MTUS2: variants seen among roughly 807,000 people sequenced by gnomAD.
The protein encoded by MTUS2 is microtubule-associated tumor suppressor candidate 2.
In MTUS2, 40 loss-of-function variants were observed where a neutral mutation model predicts 114.1. The ratio of observed to expected loss-of-function variants is 0.35; its 90% CI spans 0.27 to 0.46. The LOEUF (loss-of-function observed/expected upper bound fraction) is 0.46. MTUS2 is among the 20% of genes least tolerant of loss of function. MTUS2 has a pLI of 1.00. For synonymous variants in MTUS2, 688 were observed against 672.0 expected, an observed-to-expected ratio of 1.02 and a Z score of -0.37; for missense variants, 1,679 against 1,705.4, an observed-to-expected ratio of 0.98 and a Z score of 0.27.
At chr13:29,368,159 C>G (rs906965419) in intron 8 of MTUS2, among the ~76,000 whole-genome samples, 1 of 151,750 alleles carries the variant, frequency 6.6e-6, no homozygotes, top group Non-Finnish European at 1.5e-5. Flanking sequence ...AGGATGGTCT[C>G]GATCTCCTGA....
intron 6 of MTUS2, among the ~76,000 whole-genome samples, chr13:29,284,104 G>A (rs558284361): frequency 6.6e-6 from 1 of 152,284 alleles, no homozygotes; most frequent in African/African-American, 2.4e-5. Context: ...AGTACATGGA[G>A]TGATTCACTG....
In MTUS2 at chr13:29,493,243, G is replaced by T. The variant is rs943201728; in HGVS notation, c.3579+524G>T. 4.6e-5 allele frequency among the ~76,000 whole-genome samples: 7 copies of T among 152,312 alleles called. No homozygotes were observed. In the South Asian group the frequency reaches 1.0e-3, roughly 23 times the overall value. ...GCTGGTCTCAGATGCCAGAGGAGCT[G>T]CCTGGTGTCCTGCAGGCCTCTAAGG... On this transcript the variant is annotated intron_variant, in intron 12 of 15. Transcript: ENST00000612955.
chr13:28,839,542 T>C (rs1275916414), intron 1 of MTUS2, among the ~76,000 whole-genome samples: 1 of 152,220 alleles, frequency 6.6e-6, no homozygotes, highest in African/African-American at 2.4e-5. Flanking sequence ...CACTGAGGAT[T>C]AATCTGAAAA....
chr13:28,851,752 G>A (rs965697958), intron 2 of MTUS2, among the ~76,000 whole-genome samples: 4 of 95,868 alleles, frequency 4.2e-5, no homozygotes, highest in African/African-American at 7.0e-5. Flanking sequence ...GAGGATCCCC[G>A]AAGTGTCAGT....
At position 29,453,136 on chromosome 13, in the gene MTUS2, G is replaced by C. The variant is rs1878849641; in HGVS notation, c.3184+13087G>C. Reference sequence around the variant, plus strand: ...AACCATATCAGGCCATCTTTGCTTTGTAAGATCTAAATTGGTGTCTGAGAG... The same window carrying C: ...AACCATATCAGGCCATCTTTGCTTTCTAAGATCTAAATTGGTGTCTGAGAG... On this transcript the variant is annotated intron_variant, in intron 9 of 15. Transcript: ENST00000612955. 3.9e-5 allele frequency among the ~76,000 whole-genome samples: 6 copies of C among 152,150 alleles called. No individual in the cohort carries two copies. In the South Asian group the frequency reaches 1.2e-3, roughly 32 times the overall value.
At chr13:29,270,689 A>T (rs1566102107) in intron 5 of MTUS2, among the ~76,000 whole-genome samples, 1 of 152,210 alleles carries the variant, frequency 6.6e-6, no homozygotes, top group Non-Finnish European at 1.5e-5. Flanking sequence ...CTCCCTGTGT[A>T]TGGAAGCTCG....
chr13:29,386,257 A>G (rs926108486), intron 8 of MTUS2, among the ~76,000 whole-genome samples: 4 of 152,194 alleles, frequency 2.6e-5, no homozygotes, highest in African/African-American at 9.7e-5. Context: ...TTGCAATAGG[A>G]GAGGGAGATG....
At chr13:29,166,592 C>G (rs1166687193) in intron 5 of MTUS2, among the ~76,000 whole-genome samples, 1 of 152,192 alleles carries the variant, frequency 6.6e-6, no homozygotes, top group Non-Finnish European at 1.5e-5. Context: ...TTAGAACATA[C>G]TTAAATGGAT....
chr13:29,279,769 G>A (rs1285645645), intron 5 of MTUS2, among the ~76,000 whole-genome samples: 1 of 152,180 alleles, frequency 6.6e-6, no homozygotes, highest in Non-Finnish European at 1.5e-5. Flanking sequence ...AGCCTGGAGA[G>A]CAGCCAAATC....
intron 7 of MTUS2, among the ~76,000 whole-genome samples, chr13:29,325,728 G>GTA (rs1900482783): frequency 6.6e-6 from 1 of 152,166 alleles, no homozygotes; most frequent in Admixed American, 6.5e-5. Context: ...TGCATGCCAG[G>GTA]TACTGCCCTG....
chr13:29,016,576 ATTC>A (rs1886076537), intron 2 of MTUS2, among the ~76,000 whole-genome samples: 1 of 152,070 alleles, frequency 6.6e-6, no homozygotes, highest in Admixed American at 6.6e-5. Context: ...TTATGTATAT[ATTC>A]TTCTTTATTC....
At chr13:29,199,850 A>G (rs1894865340) in intron 5 of MTUS2, among the ~76,000 whole-genome samples, 1 of 152,090 alleles carries the variant, frequency 6.6e-6, no homozygotes, top group Non-Finnish European at 1.5e-5. Flanking sequence ...TAGGCTATTA[A>G]TTACTGCCTC....
chr13:29,244,611 C>T (rs912543418), intron 5 of MTUS2, among the ~76,000 whole-genome samples: 16 of 152,094 alleles, frequency 1.1e-4, no homozygotes, highest in Non-Finnish European at 2.2e-4. Flanking sequence ...TATGGATCAG[C>T]TCCAAGGTGC....
intron 4 of MTUS2, among the ~76,000 whole-genome samples, chr13:29,061,070 C>T (rs568696726): frequency 1.1e-4 from 17 of 152,190 alleles, no homozygotes; most frequent in Admixed American, 3.3e-4. Context: ...GGATTACCGA[C>T]GTGAGCCACT....
chr13:29,160,478 A>C lies in MTUS2; in HGVS notation c.2644+59508A>C, dbSNP rs757477541. Among the ~76,000 whole-genome samples, 11 of 152,194 alleles carry C rather than the reference A, an allele frequency of 7.2e-5. 1 individual carries two copies. Among genetic ancestry groups the C allele is most frequent in the Non-Finnish European group, 2.9e-5 (2 of 68,030 alleles). On this transcript the variant is annotated intron_variant, in intron 5 of 15. Transcript: ENST00000612955. Reference sequence around the variant, plus strand: ...AGGTTAAGGTTTCAGTGAGTCAAAAATTATATCTGGGGCTGGGCGCGGTGG... The same window carrying C: ...AGGTTAAGGTTTCAGTGAGTCAAAACTTATATCTGGGGCTGGGCGCGGTGG...
At chr13:29,363,401 TTAAA>T (rs2138250987) in intron 8 of MTUS2, among the ~76,000 whole-genome samples, 1 of 152,342 alleles carries the variant, frequency 6.6e-6, no homozygotes, top group South Asian at 2.1e-4. Flanking sequence ...TTACATGTTA[TTAAA>T]TAGTTTAGGC....
intron 4 of MTUS2, among the ~76,000 whole-genome samples, chr13:29,070,978 TTG>T (rs1888893382): frequency 1.0e-5 from 1 of 97,056 alleles, no homozygotes; most frequent in South Asian, 2.7e-4. Flanking sequence ...TTCTGATTGC[TTG>T]TTTTTTTTTT....
chr13:29,488,661 G>A (rs1289412195), intron 11 of MTUS2, among the ~76,000 whole-genome samples: 3 of 152,076 alleles, frequency 2.0e-5, no homozygotes, highest in South Asian at 2.1e-4. Flanking sequence ...TGGAAGCCCC[G>A]GCATGGATAC....
chr13:28,908,867 T>A (rs1231292992), intron 2 of MTUS2, among the ~76,000 whole-genome samples: 1 of 151,656 alleles, frequency 6.6e-6, no homozygotes, highest in Non-Finnish European at 1.5e-5. Context: ...AATTTTTGTA[T>A]AAGATATAAG....
Sources: gnomAD v4.1 joint callset for allele counts (sites outside exome capture counted in the v4.1 genomes callset) on GRCh38, gnomAD v4.1.1 for gene constraint, MANE v1.5 for transcripts, NCBI Gene and HGNC (gene_info 2026-07-23, HGNC 2026-07-21) for gene names.